The following SCFD2 variants were observed in gnomAD, a reference collection of about 807,000 sequenced individuals.
SCFD2 encodes sec1 family domain-containing protein 2.
In SCFD2, 54 loss-of-function variants were observed where a neutral mutation model predicts 58.9. The observed-to-expected ratio is 0.92, with a 90% CI of 0.74 to 1.15. The LOEUF (loss-of-function observed/expected upper bound fraction) is 1.15, where lower values mean the gene tolerates loss of function less well. Among genes scored for constraint, SCFD2 ranks in the 50% most tolerant of loss-of-function variants. The pLI is 0.00. For missense variants in SCFD2, 805 were observed against 836.6 expected (o/e 0.96, Z 0.47); for synonymous variants, 321 against 335.9 (o/e 0.96, Z 0.49).
intron 5 of SCFD2, among the ~76,000 whole-genome samples, chr4:53,140,217 T>TA (rs539529650): frequency 8.2e-5 from 12 of 147,006 alleles, no homozygotes; most frequent in South Asian, 2.2e-4. Flanking sequence ...ACTAAAAAAA[T>TA]AAAAAAAAAG....
intron 8 of SCFD2, 51 bp downstream of exon 8, chr4:52,885,696 C>G (rs949076558): frequency 1.2e-6 from 2 of 1,608,404 alleles, no homozygotes; most frequent in Non-Finnish European, 8.5e-7. Context: ...CTCACCCACC[C>G]TTCACACCCC....
intron 5 of SCFD2, among the ~76,000 whole-genome samples, chr4:53,089,609 T>C (rs527914265): frequency 6.6e-6 from 1 of 152,294 alleles, no homozygotes; most frequent in East Asian, 1.9e-4. Flanking sequence ...AAATTAAATA[T>C]TTAATAGTCA....
chr4:53,346,675 C>CA (rs796813149), intron 2 of SCFD2, among the ~76,000 whole-genome samples: 27 of 152,232 alleles, frequency 1.8e-4, no homozygotes, highest in African/African-American at 5.8e-4. Flanking sequence ...CTCCTACTCT[C>CA]AAAGAATTTA....
chr4:53,307,102 C>T (rs531724989), intron 3 of SCFD2, among the ~76,000 whole-genome samples: 3 of 152,284 alleles, frequency 2.0e-5, no homozygotes, highest in East Asian at 3.9e-4. Context: ...AGGCAGTCCA[C>T]GAAGGTCAGT....
chr4:52,962,936 T>C (rs1186215297), intron 5 of SCFD2, among the ~76,000 whole-genome samples: 1 of 152,198 alleles, frequency 6.6e-6, no homozygotes, highest in Non-Finnish European at 1.5e-5. Context: ...CTGAAGTTTT[T>C]AGCTTGGATG....
intron 5 of SCFD2, among the ~76,000 whole-genome samples, chr4:52,942,286 A>G (rs1720313313): frequency 6.6e-6 from 1 of 152,100 alleles, no homozygotes; most frequent in Admixed American, 6.5e-5. Flanking sequence ...GACAAGGGGG[A>G]GAGTGGGTTG....
intron 2 of SCFD2, among the ~76,000 whole-genome samples, chr4:53,340,858 G>A (rs1375839107): frequency 2.6e-5 from 4 of 152,230 alleles, no homozygotes; most frequent in Admixed American, 6.5e-5. Context: ...AGGGTCTGGA[G>A]TGGACCTCCA....
chr4:53,223,028 G>A (rs1729094611), intron 4 of SCFD2, among the ~76,000 whole-genome samples: 1 of 152,124 alleles, frequency 6.6e-6, no homozygotes, highest in African/African-American at 2.4e-5. Flanking sequence ...AGAGCCCTGG[G>A]ACAGTAAGAA....
intron 5 of SCFD2, among the ~76,000 whole-genome samples, chr4:53,048,601 G>A (rs1369111092): frequency 6.6e-6 from 1 of 152,118 alleles, no homozygotes; most frequent in Non-Finnish European, 1.5e-5. Flanking sequence ...ATTAGCCATG[G>A]GTGGTGGTGC....
At chr4:53,349,475 G>C (rs1734152147) in intron 2 of SCFD2, among the ~76,000 whole-genome samples, 2 of 152,202 alleles carry the variant, frequency 1.3e-5, no homozygotes, top group Admixed American at 1.3e-4. Flanking sequence ...GCAGTTATCA[G>C]ACTCAATATG....
intron 5 of SCFD2, among the ~76,000 whole-genome samples, chr4:52,976,529 G>T (rs1238001284): frequency 6.6e-6 from 1 of 152,182 alleles, no homozygotes; most frequent in Non-Finnish European, 1.5e-5. Context: ...CTGGTGGAGA[G>T]GAAGGGGAGC....
chr4:53,283,069 G>T (rs781374097), intron 3 of SCFD2, among the ~76,000 whole-genome samples: 2 of 152,050 alleles, frequency 1.3e-5, no homozygotes, highest in African/African-American at 4.8e-5. Flanking sequence ...TTAAATATAC[G>T]GTTCAAATAA....
At chr4:53,280,286 C>T (rs537524085) in intron 3 of SCFD2, among the ~76,000 whole-genome samples, 1 of 152,226 alleles carries the variant, frequency 6.6e-6, no homozygotes, top group African/African-American at 2.4e-5. Flanking sequence ...GAGGCTGAGG[C>T]AGGCAGATCA....
chr4:52,933,303 C>T (rs936057464), intron 5 of SCFD2, among the ~76,000 whole-genome samples: 1 of 152,098 alleles, frequency 6.6e-6, no homozygotes, highest in Non-Finnish European at 1.5e-5. Flanking sequence ...CCGGCCCGAC[C>T]CCAGTCCAGA....
At chr4:53,154,249 C>T (rs1476379224) in intron 4 of SCFD2, among the ~76,000 whole-genome samples, 2 of 152,178 alleles carry the variant, frequency 1.3e-5, no homozygotes, top group African/African-American at 4.8e-5. Flanking sequence ...CACAGTTCTG[C>T]AGGCTGTACA....
intron 4 of SCFD2, among the ~76,000 whole-genome samples, chr4:53,254,793 GTTTATTTTATTTT>G (rs1730535183): frequency 1.3e-5 from 2 of 148,674 alleles, no homozygotes; most frequent in African/African-American, 2.4e-5. Flanking sequence ...AACACTTCAT[GTTTATTTTATTTT>G]TTTATTTTAT....
intron 4 of SCFD2, among the ~76,000 whole-genome samples, chr4:53,251,121 A>T (rs1458618623): frequency 5.9e-5 from 9 of 152,270 alleles, no homozygotes; most frequent in South Asian, 2.1e-4. Context: ...GCAAATAAAC[A>T]AGAAAATCTA....
At chr4:53,323,431 T>C (rs1006539515) in intron 2 of SCFD2, among the ~76,000 whole-genome samples, 2 of 151,628 alleles carry the variant, frequency 1.3e-5, no homozygotes, top group Non-Finnish European at 2.9e-5. Flanking sequence ...TGGAGTATAG[T>C]AGCATAATCA....
At chr4:53,236,502 A>G (rs958275072) in intron 4 of SCFD2, among the ~76,000 whole-genome samples, 1 of 149,410 alleles carries the variant, frequency 6.7e-6, no homozygotes, top group African/African-American at 2.5e-5. Context: ...GAGAACCTTG[A>G]CTAATACATA....
Sources: allele counts gnomAD v4.1 joint callset (sites outside exome capture counted in the v4.1 genomes callset), GRCh38; gene constraint gnomAD v4.1.1; transcripts MANE v1.5; gene names NCBI Gene and HGNC (gene_info 2026-07-23, HGNC 2026-07-21).